PHF21B: variants seen among roughly 807,000 people sequenced by gnomAD.
The protein encoded by PHF21B is PHD finger protein 21B.
A neutral mutation model predicts 62.2 loss-of-function variants in PHF21B; 22 were observed. That is an observed-to-expected ratio of 0.35 (90% confidence interval 0.25 to 0.51). The LOEUF is 0.51. PHF21B is among the 20% of genes least tolerant of loss of function. The probability of loss-of-function intolerance (pLI) is 0.97; values close to 1 mark genes in which losing one functional copy is unlikely to be tolerated. For synonymous variants in PHF21B, 341 were observed against 314.7 expected, an observed-to-expected ratio of 1.08 and a Z score of -0.88; for missense variants, 701 against 707.9, an observed-to-expected ratio of 0.99 and a Z score of 0.11.
At chr22:44,914,759 C>A (rs1224868406) in intron 4 of PHF21B, among the ~76,000 whole-genome samples, 4 of 152,202 alleles carry the variant, frequency 2.6e-5, no homozygotes, top group African/African-American at 9.7e-5. Context: ...CCCCCCTTAG[C>A]CAGCCTGCCT....
intron 2 of PHF21B, among the ~76,000 whole-genome samples, chr22:44,951,107 G>A (rs904332570): frequency 6.6e-6 from 1 of 152,130 alleles, no homozygotes; most frequent in Non-Finnish European, 1.5e-5. Flanking sequence ...TTAAGCACCC[G>A]CCACTCACAG....
At chr22:44,996,962 T>C (rs906127191) in intron 2 of PHF21B, among the ~76,000 whole-genome samples, 3 of 152,138 alleles carry the variant, frequency 2.0e-5, no homozygotes, top group African/African-American at 7.2e-5. Flanking sequence ...CCCGTTCTAC[T>C]TTTCACCAGA....
intron 2 of PHF21B, among the ~76,000 whole-genome samples, chr22:45,004,802 A>C (rs904232669): frequency 6.6e-6 from 1 of 152,008 alleles, no homozygotes; most frequent in Non-Finnish European, 1.5e-5. Context: ...CGCGCACACA[A>C]CACCTTTCAA....
chr22:44,962,180 A>T (rs1051848360), intron 2 of PHF21B, among the ~76,000 whole-genome samples: 1 of 152,182 alleles, frequency 6.6e-6, no homozygotes, highest in Non-Finnish European at 1.5e-5. Context: ...TTCTTTGAGA[A>T]ATCTCCAAAC....
intron 2 of PHF21B, chr22:45,003,766 G>A (rs778688911): frequency 3.3e-5 from 5 of 152,224 alleles, no homozygotes; most frequent in South Asian, 2.1e-4. Context: ...GTGGATGAAC[G>A]GTTGGACAGA....
intron 2 of PHF21B, among the ~76,000 whole-genome samples, chr22:44,975,664 C>T (rs1019692862): frequency 1.3e-5 from 2 of 152,228 alleles, no homozygotes; most frequent in African/African-American, 2.4e-5. Context: ...CCTTCCTCCC[C>T]AAAGCTGCGG....
At chr22:44,973,735 C>T (rs2072683282) in intron 2 of PHF21B, among the ~76,000 whole-genome samples, 1 of 151,938 alleles carries the variant, frequency 6.6e-6, no homozygotes, top group Admixed American at 6.6e-5. Context: ...CCACTGTATT[C>T]CCAGCTTTCT....
At chr22:44,975,311 C>T (rs1410686606) in intron 2 of PHF21B, among the ~76,000 whole-genome samples, 2 of 152,166 alleles carry the variant, frequency 1.3e-5, no homozygotes, top group Non-Finnish European at 2.9e-5. Context: ...CCTTGGACTC[C>T]CCCTCTGGCC....
intron 2 of PHF21B, among the ~76,000 whole-genome samples, chr22:45,000,170 T>C (rs1183890735): frequency 6.6e-6 from 1 of 152,028 alleles, no homozygotes; most frequent in East Asian, 1.9e-4. Context: ...GTAAATCACT[T>C]TGTCACACGC....
intron 2 of PHF21B, among the ~76,000 whole-genome samples, chr22:44,984,221 CCAT>C (rs1459345796): frequency 1.5e-4 from 4 of 25,884 alleles, no homozygotes; most frequent in Admixed American, 7.8e-4. Context: ...ATCACCACCA[CCAT>C]CACCATCACC....
chr22:44,948,606 G>A (rs529211793), intron 2 of PHF21B, among the ~76,000 whole-genome samples: 3 of 151,722 alleles, frequency 2.0e-5, no homozygotes, highest in South Asian at 4.2e-4. Context: ...CACAAGAATC[G>A]CTCGAACCCG....
At position 45,009,058 on chromosome 22, in the gene PHF21B, G is replaced by T; in HGVS notation, c.54+438C>A. The T allele has an allele frequency of 9.0e-7, 1 of 1,116,446 alleles. No individual in the cohort carries two copies. Among genetic ancestry groups the T allele is most frequent in the Non-Finnish European group, 1.1e-6 (1 of 909,292 alleles). The allele number at this position is 1,116,446 out of a possible 1,614,324, so 69.2% of individuals were successfully genotyped here. A position where few individuals can be genotyped will look rare whatever the true frequency, so the allele number is the denominator to read the frequency against. ...CACGCCGAGCCCCGCTCAGGCTCCGGCCGCCACGCCGCCGCTCGCCAGCAG... is the reference window on the plus strand; with the variant it reads ...CACGCCGAGCCCCGCTCAGGCTCCGTCCGCCACGCCGCCGCTCGCCAGCAG... On this transcript the variant is annotated intron_variant, in intron 1 of 12. Coordinates refer to ENST00000313237, the MANE Select transcript of PHF21B (RefSeq NM_138415.5). This position sits in a 1 kb window ranked among gnomAD's most constrained non-coding sequence, Gnocchi z 5.9.
At chr22:44,958,890 C>T (rs895997059) in intron 2 of PHF21B, among the ~76,000 whole-genome samples, 3 of 152,138 alleles carry the variant, frequency 2.0e-5, no homozygotes, top group Non-Finnish European at 1.5e-5. Flanking sequence ...ATCTGCCCAC[C>T]TTGGCCTCCC....
chr22:44,887,508 G>GA (rs1301064789), intron 10 of PHF21B, among the ~76,000 whole-genome samples: 3 of 152,156 alleles, frequency 2.0e-5, no homozygotes, highest in African/African-American at 7.2e-5. Flanking sequence ...GCTGGGAGGA[G>GA]AGGCTGCTTC....
intron 2 of PHF21B, among the ~76,000 whole-genome samples, chr22:45,001,531 G>A (rs1370862547): frequency 6.6e-6 from 1 of 152,178 alleles, no homozygotes; most frequent in Non-Finnish European, 1.5e-5. Context: ...AGGTGACTGT[G>A]GACACACCTG....
In PHF21B at chr22:44,891,394, T is replaced by C. The variant is rs754541072; in HGVS notation, c.961-34A>G. On this transcript the variant is annotated intron_variant, in intron 7 of 12. Transcript: ENST00000313237. The stretch of plus-strand genomic sequence containing the variant: ...ACAGAAAACAAAACAACACACCCCA[T>C]CATCTGGAGGCTCTCTTCGATGGTG... The C allele has an allele frequency of 1.9e-6, 3 of 1,609,372 alleles. No individual in the cohort carries two copies. The South Asian group carries it at 3.3e-5, about 18-fold the overall frequency.
chr22:44,899,896 T>G (rs1013457000), intron 5 of PHF21B, among the ~76,000 whole-genome samples: 6 of 152,192 alleles, frequency 3.9e-5, no homozygotes, highest in Non-Finnish European at 7.4e-5. Flanking sequence ...GCAATTCTCT[T>G]GAGTTTTCCA....
At chr22:44,894,165 T>G (rs1419241720) in intron 6 of PHF21B, among the ~76,000 whole-genome samples, 1 of 152,224 alleles carries the variant, frequency 6.6e-6, no homozygotes, top group African/African-American at 2.4e-5. Context: ...TTCTCAATAT[T>G]ACTCAGCCTG....
intron 2 of PHF21B, among the ~76,000 whole-genome samples, chr22:44,994,759 C>T (rs1237288178): frequency 6.6e-6 from 1 of 152,196 alleles, no homozygotes; most frequent in Non-Finnish European, 1.5e-5. Flanking sequence ...ATCAACACTC[C>T]CCCACCCCCA....
Sources: allele counts gnomAD v4.1 joint callset (sites outside exome capture counted in the v4.1 genomes callset), GRCh38; gene constraint gnomAD v4.1.1; non-coding constraint Gnocchi (gnomAD v3.1); transcripts MANE v1.5; gene names NCBI Gene and HGNC (gene_info 2026-07-23, HGNC 2026-07-21).